TTC23L: variants seen among roughly 807,000 people sequenced by gnomAD.
TTC23L encodes the protein tetratricopeptide repeat domain 23 like.
In TTC23L, 42 loss-of-function variants were observed where a neutral mutation model predicts 48.1. That is an observed-to-expected ratio of 0.87 (90% CI 0.68 to 1.13). The LOEUF (loss-of-function observed/expected upper bound fraction) is 1.13, where lower values mean the gene tolerates loss of function less well. Among genes scored for constraint, TTC23L ranks in the 50% most tolerant of loss-of-function variants. TTC23L has a pLI of 0.00. For synonymous variants in TTC23L, 159 were observed against 157.2 expected (o/e 1.01, Z -0.09); for missense variants, 391 against 421.0 (o/e 0.93, Z 0.62).
chr5:34,882,659 A>ACACACACAC (rs56232363), intron 9 of TTC23L, among the ~76,000 whole-genome samples: 8 of 144,274 alleles, frequency 5.5e-5, no homozygotes, highest in South Asian at 2.2e-4. Context: ...ACACACACAC[A>ACACACACAC]ATATCTTTTG....
At chr5:34,879,313 A>G (rs555948220) in intron 8 of TTC23L, among the ~76,000 whole-genome samples, 3 of 152,350 alleles carry the variant, frequency 2.0e-5, no homozygotes, top group African/African-American at 7.2e-5. Flanking sequence ...CTTGTACTCC[A>G]TAAGTTTACA....
rs1351894261 is a variant in TTC23L, at chr5:34,863,580, C to T, written c.536+526C>T. 6.6e-6 allele frequency among the ~76,000 whole-genome samples: 1 copy of T among 152,164 alleles called. No homozygotes were observed. Among genetic ancestry groups the T allele is most frequent in the Non-Finnish European group, 1.5e-5 (1 of 68,038 alleles). ...GCCCTCCAGAGATTGTAATTTGCAG[C>T]CCAAAACCACTGATTTAACTGATTC... is the stretch of plus-strand genomic sequence containing the variant. On this transcript the variant is annotated intron_variant, in intron 5 of 10. Coordinates refer to ENST00000505624, the Ensembl canonical transcript of TTC23L. The surrounding 1 kb of genome is among the most constrained non-coding windows in gnomAD (Gnocchi z 4.1).
At chr5:34,923,186 G>T in the TTC23L span, 1 of 1,614,132 alleles carries the variant, frequency 6.2e-7, no homozygotes, top group East Asian at 2.2e-5. Flanking sequence ...TGGACCACGT[G>T]TTTACTTTCA....
At chr5:34,904,341 A>C (rs1263800243), downstream of TTC23L, among the ~76,000 whole-genome samples, 1 of 151,300 alleles carries the variant, frequency 6.6e-6, no homozygotes, top group African/African-American at 2.4e-5. Context: ...CACACCTGTA[A>C]TCCCAGCACT....
At chr5:34,909,858 T>C in the TTC23L span, among the ~76,000 whole-genome samples, 1 of 152,316 alleles carries the variant, frequency 6.6e-6, no homozygotes, top group East Asian at 1.9e-4. Context: ...CTGATTTAAT[T>C]TGCAAGAACT....
At chr5:34,923,262 C>T in the TTC23L span, 7 of 1,464,372 alleles carry the variant, frequency 4.8e-6, no homozygotes, top group East Asian at 1.4e-4. Flanking sequence ...TTTAATTATA[C>T]CTTTTTTTTA....
intron 10 of TTC23L, among the ~76,000 whole-genome samples, chr5:34,898,024 G>A (rs1486374860): frequency 6.6e-6 from 1 of 152,186 alleles, no homozygotes; most frequent in African/African-American, 2.4e-5. Context: ...CTAGCTATGG[G>A]CAATCCTGGT....
intron 8 of TTC23L, among the ~76,000 whole-genome samples, chr5:34,877,283 A>C (rs923856159): frequency 2.6e-5 from 4 of 152,058 alleles, no homozygotes; most frequent in African/African-American, 9.7e-5. Flanking sequence ...AAAAACTCTC[A>C]GCAAACTAGG....
intron 3 of TTC23L, among the ~76,000 whole-genome samples, chr5:34,849,103 G>T (rs1759457286): frequency 6.6e-6 from 1 of 152,100 alleles, no homozygotes; most frequent in African/African-American, 2.4e-5. Flanking sequence ...CTGTACTATT[G>T]GGTAACCAAA....
the TTC23L span, among the ~76,000 whole-genome samples, chr5:34,910,432 CTTTTTT>C: frequency 7.0e-6 from 1 of 143,826 alleles, no homozygotes; most frequent in Admixed American, 7.0e-5. Context: ...TTTTTCTTTT[CTTTTTT>C]TTTTTTTGAG....
the TTC23L span, chr5:34,915,292 A>T: frequency 2.5e-5 from 7 of 275,482 alleles, 1 homozygote; most frequent in Admixed American, 1.5e-4. Context: ...AAAACAGGCG[A>T]TGGCGGGGCG....
At chr5:34,915,013 GCTC>G in the TTC23L span, 5 of 1,067,122 alleles carry the variant, frequency 4.7e-6, no homozygotes, top group Non-Finnish European at 6.8e-6. Flanking sequence ...GGTCCGGCGA[GCTC>G]CACCTGCGCT....
chr5:34,922,892 T>C, the TTC23L span: 1 of 1,215,532 alleles, frequency 8.2e-7, no homozygotes, highest in Non-Finnish European at 1.2e-6. Context: ...TATCAATTCT[T>C]TCAGGTACAT....
intron 9 of TTC23L, chr5:34,883,140 G>C (rs764287002): frequency 6.6e-6 from 1 of 152,594 alleles, no homozygotes; most frequent in African/African-American, 2.4e-5. Flanking sequence ...TGTTCCTCTG[G>C]TCACATACAT....
chr5:34,910,797 T>A, the TTC23L span, among the ~76,000 whole-genome samples: 1 of 152,250 alleles, frequency 6.6e-6, no homozygotes, highest in Admixed American at 6.5e-5. Context: ...CATATGTATT[T>A]AGGGGCTTTA....
intron 8 of TTC23L, among the ~76,000 whole-genome samples, chr5:34,876,690 G>T (rs965030658): frequency 6.6e-6 from 1 of 152,286 alleles, no homozygotes; most frequent in African/African-American, 2.4e-5. Flanking sequence ...TCTTCCAAAA[G>T]ATAGAAGCAG....
intron 8 of TTC23L, among the ~76,000 whole-genome samples, chr5:34,877,873 AT>A (rs1761968038): frequency 6.6e-6 from 1 of 152,210 alleles, no homozygotes; most frequent in Non-Finnish European, 1.5e-5. Flanking sequence ...ATACTATAAT[AT>A]TTGTGAAGGA....
Position 34,846,664 on chromosome 5 carries a change from T to C in TTC23L, c.255+991T>C, listed in dbSNP as rs1490410611. Among the ~76,000 whole-genome samples, 3 of 73,876 alleles carry C rather than the reference T, an allele frequency of 4.1e-5. No homozygotes were observed. In the East Asian group the frequency reaches 7.9e-4, roughly 20 times the overall value. 48.5% of individuals were successfully genotyped at this position (73,876 alleles called of 152,430 possible). A position where few individuals can be genotyped will look rare whatever the true frequency, so the allele number is the denominator to read the frequency against. On this transcript the variant is annotated intron_variant, in intron 3 of 10. Transcript: ENST00000505624. ...GTATATATACAAATACATATATGTG[T>C]GTATGTGTGTGTGTGTGTGTGTGTG...
chr5:34,898,915 A>C (rs1314339725), intron 10 of TTC23L, among the ~76,000 whole-genome samples: 1 of 152,212 alleles, frequency 6.6e-6, no homozygotes, highest in East Asian at 1.9e-4. Context: ...ATTCCTGCTC[A>C]GCTCCTTCAG....
Sources: gnomAD v4.1 joint callset for allele counts (sites outside exome capture counted in the v4.1 genomes callset) on GRCh38, gnomAD v4.1.1 for gene constraint, Gnocchi (gnomAD v3.1) non-coding constraint, MANE v1.5 for transcripts, NCBI Gene and HGNC (gene_info 2026-07-23, HGNC 2026-07-21) for gene names.